ENTREP2: variants seen among roughly 807,000 people sequenced by gnomAD.
ENTREP2 encodes endosomal transmembrane epsin interactor 2.
chr15:29,204,476 G>C, the ENTREP2 span, among the ~76,000 whole-genome samples: 1 of 152,176 alleles, frequency 6.6e-6, no homozygotes, highest in Non-Finnish European at 1.5e-5. Context: ...AGAACTTACA[G>C]TGGGCACACC....
the ENTREP2 span, among the ~76,000 whole-genome samples, chr15:29,398,699 G>A: frequency 6.6e-6 from 1 of 152,180 alleles, no homozygotes; most frequent in Non-Finnish European, 1.5e-5. Context: ...ACTCCAGCCT[G>A]GGTGACAGAG....
chr15:29,538,246 G>C, the ENTREP2 span, among the ~76,000 whole-genome samples: 471 of 152,228 alleles, frequency 3.1e-3, no homozygotes, highest in Non-Finnish European at 4.8e-3. Flanking sequence ...GCACGGCCTT[G>C]TGTTTTGTCC....
chr15:29,611,494 T>C, the ENTREP2 span, among the ~76,000 whole-genome samples: 2 of 152,178 alleles, frequency 1.3e-5, no homozygotes, highest in African/African-American at 2.4e-5. Context: ...GCTCCTGGCC[T>C]GGGAGTCAAG....
the ENTREP2 span, among the ~76,000 whole-genome samples, chr15:29,170,638 A>C: frequency 2.0e-5 from 3 of 151,932 alleles, no homozygotes; most frequent in African/African-American, 7.3e-5. Flanking sequence ...GATCATTTTA[A>C]ATTCCTCATC....
At chr15:29,446,171 C>T in the ENTREP2 span, among the ~76,000 whole-genome samples, 5 of 152,192 alleles carry the variant, frequency 3.3e-5, no homozygotes, top group East Asian at 9.6e-4. Context: ...TCTGCCAGCA[C>T]CTTGATCTTG....
chr15:29,235,125 C>T, the ENTREP2 span: 1 of 992,426 alleles, frequency 1.0e-6, no homozygotes, highest in African/African-American at 1.6e-5. Flanking sequence ...GGGCAGGAGC[C>T]ACCCCGAGAC....
At chr15:29,504,525 G>A in the ENTREP2 span, among the ~76,000 whole-genome samples, 7 of 152,204 alleles carry the variant, frequency 4.6e-5, no homozygotes, top group Non-Finnish European at 7.3e-5. Flanking sequence ...AAAAGGACAC[G>A]AGAGACTGTA....
chr15:29,191,421 A>G, the ENTREP2 span, among the ~76,000 whole-genome samples: 1 of 150,602 alleles, frequency 6.6e-6, no homozygotes, highest in African/African-American at 2.4e-5. Flanking sequence ...AACTAGCTAG[A>G]GACATCCATG....
the ENTREP2 span, among the ~76,000 whole-genome samples, chr15:29,299,960 G>T: frequency 6.7e-6 from 1 of 150,172 alleles, no homozygotes; most frequent in Admixed American, 6.6e-5. Context: ...TGGATGGGTG[G>T]GTGGATGAAT....
the ENTREP2 span, among the ~76,000 whole-genome samples, chr15:29,346,111 A>C: frequency 6.6e-6 from 1 of 152,222 alleles, no homozygotes; most frequent in African/African-American, 2.4e-5. Flanking sequence ...ACTCAAAGGC[A>C]GAAGCTGCGC....
At chr15:29,452,277 T>TC in the ENTREP2 span, among the ~76,000 whole-genome samples, 1 of 151,998 alleles carries the variant, frequency 6.6e-6, no homozygotes, top group Non-Finnish European at 1.5e-5. Flanking sequence ...CCATTCCCCA[T>TC]CCCAGAGCAG....
the ENTREP2 span, among the ~76,000 whole-genome samples, chr15:29,531,718 C>T: frequency 8.3e-3 from 1,271 of 152,300 alleles, 33 homozygotes; most frequent in Non-Finnish European, 6.3e-3. Flanking sequence ...TAGACTGCAG[C>T]GCAGTGGCGC....
At chr15:29,419,425 C>G in the ENTREP2 span, among the ~76,000 whole-genome samples, 1 of 151,770 alleles carries the variant, frequency 6.6e-6, no homozygotes, top group Non-Finnish European at 1.5e-5. Flanking sequence ...TCAATTAAAA[C>G]GAATACCCAA....
the ENTREP2 span, among the ~76,000 whole-genome samples, chr15:29,248,113 G>A: frequency 6.6e-6 from 1 of 152,214 alleles, no homozygotes; most frequent in East Asian, 1.9e-4. Flanking sequence ...TGATCTGGGT[G>A]ACATTTCAAA....
At chr15:29,118,653 GCTT>G in the ENTREP2 span, among the ~76,000 whole-genome samples, 1 of 152,218 alleles carries the variant, frequency 6.6e-6, no homozygotes, top group Non-Finnish European at 1.5e-5. Context: ...GGAGCCTTGG[GCTT>G]CTTCAGATTT....
chr15:29,461,490 A>G, the ENTREP2 span, among the ~76,000 whole-genome samples: 11 of 151,958 alleles, frequency 7.2e-5, no homozygotes, highest in African/African-American at 2.4e-4. Flanking sequence ...TTATTTTTTT[A>G]TCATTTTTTG....
chr15:29,548,773 G>A, the ENTREP2 span, among the ~76,000 whole-genome samples: 1 of 152,290 alleles, frequency 6.6e-6, no homozygotes, highest in Admixed American at 6.5e-5. Context: ...TTCATCATAA[G>A]AGGTGCATAA....
the ENTREP2 span, among the ~76,000 whole-genome samples, chr15:29,301,720 G>A: frequency 1.3e-5 from 2 of 152,130 alleles, no homozygotes; most frequent in East Asian, 3.9e-4. Context: ...CTAATTCCCA[G>A]TGTGATAGTA....
chr15:29,367,926 G>C, the ENTREP2 span, among the ~76,000 whole-genome samples: 3 of 143,174 alleles, frequency 2.1e-5, no homozygotes, highest in African/African-American at 5.4e-5. Context: ...CATTATATTA[G>C]TGAAAATGCC....
Sources: gnomAD v4.1 joint callset for allele counts (sites outside exome capture counted in the v4.1 genomes callset) on GRCh38, gnomAD v4.1.1 for gene constraint, MANE v1.5 for transcripts, NCBI Gene and HGNC (gene_info 2026-07-23, HGNC 2026-07-21) for gene names.